CELF1: variants seen among roughly 807,000 people sequenced by gnomAD.
CELF1 encodes the protein 50 kDa nuclear polyadenylated RNA-binding protein.
Under a neutral mutation model 61.8 loss-of-function variants are expected in CELF1, and 10 were observed. The observed-to-expected ratio is 0.16, with a 90% CI of 0.10 to 0.27. The LOEUF (loss-of-function observed/expected upper bound fraction) is 0.27, where lower values mean the gene tolerates loss of function less well. CELF1 is among the 10% of genes least tolerant of loss of function. The probability of loss-of-function intolerance (pLI) is 1.00; values close to 1 mark genes in which losing one functional copy is unlikely to be tolerated. For missense variants in CELF1, 380 were observed against 639.1 expected (o/e 0.59, Z 4.37); for synonymous variants, 236 against 225.1 (o/e 1.05, Z -0.43).
At chr11:47,487,037 C>T in intron 5 of CELF1, 122 bp downstream of exon 5, 1 of 816,506 alleles carries the variant, frequency 1.2e-6, no homozygotes, top group South Asian at 1.6e-5. Flanking sequence ...TCTTCCTTTA[C>T]ATCAATTCCT....
upstream of CELF1, chr11:47,553,146 C>G (rs2097186345): frequency 2.5e-6 from 1 of 395,196 alleles, no homozygotes; most frequent in Non-Finnish European, 4.5e-6. Flanking sequence ...AAAATGGCGG[C>G]ACTTCCGGCA....
At chr11:47,510,397 G>T (rs1433824292) in intron 1 of CELF1, among the ~76,000 whole-genome samples, 2 of 152,178 alleles carry the variant, frequency 1.3e-5, no homozygotes, top group Non-Finnish European at 2.9e-5. Flanking sequence ...GCACGTGCTA[G>T]ATCACAAAGT....
chr11:47,494,028 A>T (rs1292974842), intron 3 of CELF1, among the ~76,000 whole-genome samples: 1 of 152,204 alleles, frequency 6.6e-6, no homozygotes, highest in African/African-American at 2.4e-5. Flanking sequence ...TCCCCATTCA[A>T]TGGAGAGTTA....
intron 2 of CELF1, among the ~76,000 whole-genome samples, chr11:47,561,904 A>G (rs958036141): frequency 1.3e-5 from 2 of 152,030 alleles, no homozygotes; most frequent in African/African-American, 4.8e-5. Context: ...AGCATAAGAC[A>G]GGTATCAACA....
intron 1 of CELF1, among the ~76,000 whole-genome samples, 200 bp downstream of exon 1, chr11:47,552,792 G>C (rs1056421912): frequency 6.6e-6 from 1 of 152,188 alleles, no homozygotes; most frequent in Non-Finnish European, 1.5e-5. Flanking sequence ...AACGCGACAG[G>C]ACCCGGGGAG....
intron 2 of CELF1, among the ~76,000 whole-genome samples, chr11:47,560,028 T>C (rs1374723423): frequency 6.9e-6 from 1 of 145,888 alleles, no homozygotes; most frequent in Non-Finnish European, 1.5e-5. Context: ...AGCCAGACGT[T>C]GTGGCTCACA....
chr11:47,539,101 T>C (rs1179082902), intron 1 of CELF1, among the ~76,000 whole-genome samples: 2 of 152,212 alleles, frequency 1.3e-5, no homozygotes, highest in African/African-American at 4.8e-5. Flanking sequence ...TGAATCCATA[T>C]GCCTCACAAA....
At chr11:47,557,772 G>A (rs1316047947), upstream of CELF1, 6 of 151,474 alleles carry the variant, frequency 4.0e-5, no homozygotes, top group East Asian at 1.2e-3. Flanking sequence ...GGACTCAAGT[G>A]ATCCCCCTGC....
chr11:47,501,547 C>T (rs1018917407), intron 1 of CELF1, among the ~76,000 whole-genome samples: 1 of 152,142 alleles, frequency 6.6e-6, no homozygotes, highest in East Asian at 1.9e-4. Context: ...TGGTGGCTCA[C>T]GCCTGTAATC....
chr11:47,482,996 A>T lies in CELF1; in HGVS notation c.607-140T>A. On this transcript the variant is annotated intron_variant, in intron 8 of 14. Transcript: ENST00000687097. Reference sequence around the variant, plus strand: ...TCTCCTCATGATAGACACAAGAGAGAAGAGACTGTAATCCCAACACTTTGG... The same window carrying T: ...TCTCCTCATGATAGACACAAGAGAGTAGAGACTGTAATCCCAACACTTTGG... 3 of 802,842 alleles carry T rather than the reference A, an allele frequency of 3.7e-6. No individual in the cohort carries two copies. The South Asian group carries it at 5.6e-5, about 15-fold the overall frequency. 49.7% of individuals were successfully genotyped at this position (802,842 alleles called of 1,614,324 possible). A position where few individuals can be genotyped will look rare whatever the true frequency, so the allele number is the denominator to read the frequency against.
At chr11:47,481,515 G>A (rs1353485328) in intron 9 of CELF1, among the ~76,000 whole-genome samples, 1 of 152,140 alleles carries the variant, frequency 6.6e-6, no homozygotes, top group Non-Finnish European at 1.5e-5. Context: ...AGAAATCAGT[G>A]CCTTTTGTCT....
At chr11:47,520,432 GGATA>G (rs1282806726) in intron 1 of CELF1, among the ~76,000 whole-genome samples, 18 of 152,134 alleles carry the variant, frequency 1.2e-4, no homozygotes, top group African/African-American at 4.3e-4. Context: ...ATAAGTTTAT[GGATA>G]TGGCAAAACT....
At chr11:47,498,173 G>A (rs1387228742) in intron 3 of CELF1, among the ~76,000 whole-genome samples, 2 of 152,176 alleles carry the variant, frequency 1.3e-5, no homozygotes, top group African/African-American at 2.4e-5. Flanking sequence ...GCCAGGTGCC[G>A]AGGCAGCAGG....
chr11:47,529,519 C>CAG (rs1262939840), intron 1 of CELF1, among the ~76,000 whole-genome samples: 2 of 152,026 alleles, frequency 1.3e-5, no homozygotes, highest in Non-Finnish European at 1.5e-5. Flanking sequence ...AACCCTGTCT[C>CAG]TACTAAAAAT....
intron 1 of CELF1, among the ~76,000 whole-genome samples, chr11:47,517,435 A>T (rs2095619192): frequency 6.6e-6 from 1 of 152,180 alleles, no homozygotes; most frequent in South Asian, 2.1e-4. Context: ...GAAGGCTATT[A>T]AATACAGTAT....
intron 3 of CELF1, among the ~76,000 whole-genome samples, chr11:47,493,147 C>T (rs1263421601): frequency 1.3e-5 from 2 of 152,004 alleles, no homozygotes. Flanking sequence ...CTCTCCAAAT[C>T]CTTCTCTATT....
intron 1 of CELF1, among the ~76,000 whole-genome samples, chr11:47,518,597 A>G (rs1339452984): frequency 6.6e-6 from 1 of 152,172 alleles, no homozygotes; most frequent in African/African-American, 2.4e-5. Flanking sequence ...CTCACACTGT[A>G]ATATCTTGTC....
At chr11:47,561,593 A>G (rs74932661) in intron 2 of CELF1, among the ~76,000 whole-genome samples, 5,447 of 152,300 alleles carry the variant, frequency 0.036, 99 homozygotes, top group Middle Eastern at 0.065. Context: ...AAAAAGGTGC[A>G]GTCCACTTTG....
At chr11:47,532,789 C>T (rs2096522142) in intron 1 of CELF1, among the ~76,000 whole-genome samples, 1 of 152,206 alleles carries the variant, frequency 6.6e-6, no homozygotes, top group Non-Finnish European at 1.5e-5. Flanking sequence ...GCCTGGGCCA[C>T]CCACCACCTT....
Sources: gnomAD v4.1 joint callset for allele counts (sites outside exome capture counted in the v4.1 genomes callset) on GRCh38, gnomAD v4.1.1 for gene constraint, MANE v1.5 for transcripts, NCBI Gene and HGNC (gene_info 2026-07-23, HGNC 2026-07-21) for gene names.